MTSS1: variants seen among roughly 807,000 people sequenced by gnomAD.
MTSS1 encodes MTSS I-BAR domain containing 1, also known as protein MTSS 1.
MTSS1 carries 18 observed loss-of-function variants against 79.0 expected under a neutral mutation model. The ratio of observed to expected loss-of-function variants is 0.23; its 90% CI spans 0.16 to 0.34. MTSS1 has a LOEUF of 0.34. Among genes scored for constraint, MTSS1 ranks in the 10% least tolerant of loss-of-function variants. The pLI is 1.00. For synonymous variants in MTSS1, 341 were observed against 368.6 expected (o/e 0.93, Z 0.86); for missense variants, 815 against 986.2 (o/e 0.83, Z 2.33).
At chr8:124,717,014 A>AT (rs1290123769) in intron 1 of MTSS1, among the ~76,000 whole-genome samples, 1 of 151,950 alleles carries the variant, frequency 6.6e-6, no homozygotes, top group African/African-American at 2.4e-5. Flanking sequence ...AAAAAAAAAA[A>AT]AAAAACTGGA....
chr8:124,714,462 TTG>T (rs2135665056), intron 1 of MTSS1, among the ~76,000 whole-genome samples: 1 of 152,164 alleles, frequency 6.6e-6, no homozygotes, highest in South Asian at 2.1e-4. Flanking sequence ...TCAGTTGTTT[TTG>T]TTTTTGTTTT....
Position 124,611,106 on chromosome 8 carries a change from A to ACCCC in MTSS1, c.209-19875_209-19872dup, listed in dbSNP as rs750490897. On this transcript the variant is annotated intron_variant, in intron 3 of 13. Transcript: ENST00000518547. ...ACATGTGCACAAACCCACCAGACAG[A>ACCCC]CCCCCCCCCCCCAGCATGTGACTCA... is the stretch of plus-strand genomic sequence containing the variant. 3.3e-4 allele frequency among the ~76,000 whole-genome samples: 31 copies of ACCCC among 94,494 alleles called. 2 individuals carry two copies. The highest frequency in any genetic ancestry group is 1.1e-3 in the African/African-American group (28 of 24,654). 62.0% of individuals were successfully genotyped at this position (94,494 alleles called of 152,430 possible).
At chr8:124,665,570 A>G (rs762007295) in intron 3 of MTSS1, among the ~76,000 whole-genome samples, 1 of 152,222 alleles carries the variant, frequency 6.6e-6, no homozygotes, top group East Asian at 1.9e-4. Flanking sequence ...AGCTATAAAA[A>G]AAATCTGGCC....
chr8:124,671,299 C>T (rs796076528), intron 3 of MTSS1, among the ~76,000 whole-genome samples: 2 of 152,074 alleles, frequency 1.3e-5, no homozygotes, highest in Non-Finnish European at 2.9e-5. Flanking sequence ...CTTCTACCCC[C>T]GTTCTCCACT....
intron 1 of MTSS1, among the ~76,000 whole-genome samples, chr8:124,710,701 C>T (rs936368826): frequency 2.0e-5 from 3 of 152,200 alleles, no homozygotes; most frequent in African/African-American, 7.2e-5. Context: ...TGTAGCTCAT[C>T]AGCACGGCTG....
At chr8:124,659,390 T>C (rs59694845) in intron 3 of MTSS1, among the ~76,000 whole-genome samples, 3,146 of 152,332 alleles carry the variant, frequency 0.021, 100 homozygotes, top group African/African-American at 0.072. Flanking sequence ...ATCTCGGGAA[T>C]CATGTGTATA....
chr8:124,664,664 A>T (rs1273910796), intron 3 of MTSS1, among the ~76,000 whole-genome samples: 2 of 152,148 alleles, frequency 1.3e-5, no homozygotes, highest in East Asian at 3.9e-4. Flanking sequence ...AGACCCCTCT[A>T]CTCTAAAATA....
At chr8:124,708,810 T>C (rs543334618) in intron 1 of MTSS1, among the ~76,000 whole-genome samples, 1 of 152,194 alleles carries the variant, frequency 6.6e-6, no homozygotes, top group African/African-American at 2.4e-5. Flanking sequence ...TTAATGACAC[T>C]TGACAGTCTA....
intron 1 of MTSS1, among the ~76,000 whole-genome samples, chr8:124,722,564 C>T (rs1833108925): frequency 6.6e-6 from 1 of 152,196 alleles, no homozygotes; most frequent in Admixed American, 6.5e-5. Context: ...TGACAATGGG[C>T]TTCCTTAATG....
At chr8:124,668,292 C>G (rs745649755) in intron 3 of MTSS1, among the ~76,000 whole-genome samples, 2 of 152,136 alleles carry the variant, frequency 1.3e-5, no homozygotes, top group Non-Finnish European at 2.9e-5. Flanking sequence ...TTTGTTCAGG[C>G]CCTAACCCTA....
chr8:124,710,794 G>A (rs550332972), intron 1 of MTSS1, among the ~76,000 whole-genome samples: 26 of 152,252 alleles, frequency 1.7e-4, no homozygotes, highest in African/African-American at 6.0e-4. Flanking sequence ...TCAACACCAC[G>A]CTGCCACACA....
chr8:124,574,747 A>C (rs1828645573), intron 6 of MTSS1, among the ~76,000 whole-genome samples: 1 of 152,234 alleles, frequency 6.6e-6, no homozygotes, highest in South Asian at 2.1e-4. Flanking sequence ...CATTGGGCCA[A>C]GAATGCTGCC....
rs1823579755 is a variant in MTSS1 at position 124,555,899 on chromosome 8, A to G, written c.1410T>C (p.Gly470=). The G allele has an allele frequency of 1.2e-6, 2 of 1,606,894 alleles. No homozygotes were observed. Among genetic ancestry groups the G allele is most frequent in the Non-Finnish European group, 1.7e-6 (2 of 1,179,810 alleles). ...GCTCCTCACAAGCCTCCATCTCCTCACCAGGCTGCAGGTTGGAGGAGAGAA... is the reference window on the plus strand; with the variant it reads ...GCTCCTCACAAGCCTCCATCTCCTCGCCAGGCTGCAGGTTGGAGGAGAGAA... ...SMTVSAATRP[G]EEMEACEELA... Residue 470 remains glycine, a synonymous_variant, in exon 13 of 14, where the codon GGT becomes GGC. Transcript: ENST00000518547.
intron 1 of MTSS1, among the ~76,000 whole-genome samples, chr8:124,720,324 C>T (rs1333876064): frequency 4.6e-5 from 7 of 152,190 alleles, no homozygotes; most frequent in Admixed American, 1.3e-4. Flanking sequence ...CTGCCACATT[C>T]GGCCCATGGG....
intron 3 of MTSS1, among the ~76,000 whole-genome samples, chr8:124,645,301 G>A (rs1818806660): frequency 6.6e-6 from 1 of 152,216 alleles, no homozygotes; most frequent in African/African-American, 2.4e-5. Context: ...GCTGAGGCGG[G>A]AGGACTGTTT....
At chr8:124,589,820 T>A in intron 4 of MTSS1, 109 bp from the exon 5 acceptor site, 1 of 793,530 alleles carries the variant, frequency 1.3e-6, no homozygotes, top group Non-Finnish European at 2.1e-6. Flanking sequence ...CCCGAAACGT[T>A]CTCATCTAAA....
intron 5 of MTSS1, among the ~76,000 whole-genome samples, chr8:124,587,841 G>T (rs2132600610): frequency 1.3e-5 from 2 of 152,208 alleles, no homozygotes; most frequent in Middle Eastern, 6.8e-3. Flanking sequence ...TAAGTATTTG[G>T]CTATTGTACC....
At chr8:124,625,938 G>A (rs1172558275) in intron 3 of MTSS1, among the ~76,000 whole-genome samples, 1 of 152,142 alleles carries the variant, frequency 6.6e-6, no homozygotes, top group African/African-American at 2.4e-5. Context: ...GTTGGCTCCA[G>A]GGTCAAATTT....
chr8:124,562,375 A>G (rs371339811), intron 10 of MTSS1, among the ~76,000 whole-genome samples: 20 of 152,350 alleles, frequency 1.3e-4, no homozygotes, highest in African/African-American at 4.3e-4. Context: ...CGGAAGCGCT[A>G]TTCAACCATA....
Sources: allele counts gnomAD v4.1 joint callset (sites outside exome capture counted in the v4.1 genomes callset), GRCh38; gene constraint gnomAD v4.1.1; transcripts MANE v1.5; gene names NCBI Gene and HGNC (gene_info 2026-07-23, HGNC 2026-07-21).